The following UPF1 variants were observed in gnomAD, a reference collection of about 807,000 sequenced individuals.
The protein encoded by UPF1 is regulator of nonsense transcripts 1.
In UPF1, 9 loss-of-function variants were observed where a neutral mutation model predicts 129.2. That is an observed-to-expected ratio of 0.07 (90% CI 0.04 to 0.12). The LOEUF (loss-of-function observed/expected upper bound fraction) is 0.12. Among genes scored for constraint, UPF1 ranks in the 10% least tolerant of loss-of-function variants. UPF1 has a pLI of 1.00. For missense variants in UPF1, 788 were observed against 1,525.3 expected (o/e 0.52, Z 8.05); for synonymous variants, 649 against 644.9 (o/e 1.01, Z -0.10).
chr19:18,866,405 C>T (rs1456253918), intron 23 of UPF1, 116 bp from the exon 24 acceptor site: 1 of 518,098 alleles, frequency 1.9e-6, no homozygotes, highest in Non-Finnish European at 3.3e-6. Context: ...ACCTCAGTTT[C>T]CTCATCAGAG....
chr19:18,832,447 G>C lies in UPF1; in HGVS notation c.231+7G>C. ...GGGACAGCTCGACGCGCAGGTGAGC[G>C]GCACATGGCGGTGCCGGAAGCCCGG... On this transcript the variant is annotated splice_region_variant and intron_variant, in intron 1 of 23. Coordinates refer to ENST00000262803, the MANE Select transcript of UPF1 (RefSeq NM_002911.4). The surrounding 1 kb of genome is among the most constrained non-coding windows in gnomAD (Gnocchi z 5.6). 2.2e-5 allele frequency: 22 copies of C among 996,834 alleles called. No homozygotes were observed. The highest frequency in any genetic ancestry group is 2.5e-5 in the Non-Finnish European group (21 of 837,712). The allele number at this position is 996,834 out of a possible 1,614,324, so 61.7% of individuals were successfully genotyped here.
chr19:18,856,888 C>A lies in UPF1; in HGVS notation c.1836C>A (p.Val612=). 1 of 1,611,482 alleles carries A rather than the reference C, an allele frequency of 6.2e-7. No individual in the cohort carries two copies. Among genetic ancestry groups the A allele is most frequent in the South Asian group, 1.1e-5 (1 of 90,966 alleles). The change falls in exon 14 of 24, where the codon GTC becomes GTA. Residue 612 remains valine, a synonymous_variant. Coordinates refer to ENST00000262803, the MANE Select transcript of UPF1 (RefSeq NM_002911.4). The part of the protein sequence containing the change: ...AERELLMNAD[V]ICCTCVGAGD... ...GCACCCTTCCCCAGAACGCAGATGTCATCTGCTGCACATGTGTGGGCGCCG... is the reference window on the plus strand; with the variant it reads ...GCACCCTTCCCCAGAACGCAGATGTAATCTGCTGCACATGTGTGGGCGCCG...
rs181116448 is a variant in UPF1, at chr19:18,841,198, C to T, written c.232-4782C>T. On this transcript the variant is annotated intron_variant, in intron 1 of 23. Transcript: ENST00000262803. ...CAAGAGCTGGTGAGCCCTGTGCCTC[C>T]GTCTCCCTGATGAGACAGTTGTGAA... Among the ~76,000 whole-genome samples, 3 of 152,378 alleles carry T rather than the reference C, an allele frequency of 2.0e-5. No homozygotes were observed. In the East Asian group the frequency reaches 5.8e-4, roughly 29 times the overall value.
rs756666473 is a variant in UPF1 at position 18,852,193 on chromosome 19, A to G, written c.869A>G (p.Gln290Arg). 6.2e-7 allele frequency: 1 copy of G among 1,613,600 alleles called. No homozygotes were observed. Among genetic ancestry groups the G allele is most frequent in the South Asian group, 1.1e-5 (1 of 91,044 alleles). Residue 290 changes from glutamine (Q) to arginine (R), a missense_variant, in exon 6 of 24, where the codon CAG becomes CGG. Coordinates refer to ENST00000262803, the MANE Select transcript of UPF1 (RefSeq NM_002911.4). ...LEKPGVDEEP[Q>R]HVLLRYEDAY... ...AAGCCGGGGGTGGACGAGGAGCCGC[A>G]GCATGTCCTCCTGCGGTACGAGGAC...
At chr19:18,834,022 A>G (rs560880676) in intron 1 of UPF1, among the ~76,000 whole-genome samples, 3 of 152,212 alleles carry the variant, frequency 2.0e-5, no homozygotes, top group South Asian at 4.2e-4. Flanking sequence ...GGAGGGAGGG[A>G]GAGAGGAGAG....
intron 3 of UPF1, among the ~76,000 whole-genome samples, chr19:18,848,808 C>T (rs891189269): frequency 6.6e-6 from 1 of 152,300 alleles, no homozygotes; most frequent in African/African-American, 2.4e-5. Flanking sequence ...AACCAAAAGA[C>T]ATTCTTGTCC....
chr19:18,860,232 G>A (rs2055762979), intron 15 of UPF1, 89 bp from the exon 16 acceptor site: 1 of 1,364,552 alleles, frequency 7.3e-7, no homozygotes, highest in Non-Finnish European at 1.0e-6. Context: ...CTGCAGCACT[G>A]TAGCGTAGCA....
At chr19:18,861,677 A>T (rs1331839863) in intron 17 of UPF1, among the ~76,000 whole-genome samples, 4 of 152,156 alleles carry the variant, frequency 2.6e-5, no homozygotes, top group Non-Finnish European at 5.9e-5. Flanking sequence ...CACCAAAAAA[A>T]AATAATAACT....
At chr19:18,856,617 G>A (rs971411829) in intron 13 of UPF1, among the ~76,000 whole-genome samples, 1 of 152,192 alleles carries the variant, frequency 6.6e-6, no homozygotes, top group African/African-American at 2.4e-5. Flanking sequence ...GCTCAGCACT[G>A]CCCCTTGGAG....
At chr19:18,838,766 G>T (rs997221500) in intron 1 of UPF1, among the ~76,000 whole-genome samples, 5 of 152,174 alleles carry the variant, frequency 3.3e-5, no homozygotes, top group African/African-American at 1.2e-4. Context: ...AGGAGTGTTG[G>T]CAAGTGTTTG....
Position 18,867,087 on chromosome 19 carries a change from CT to C in UPF1, c.*574del, listed in dbSNP as rs2055858338. On this transcript the variant is annotated 3_prime_UTR_variant, in exon 24 of 24. Transcript: ENST00000262803. ...TTTTCTCTTTGTTTTTTTCAAGATT[CT>C]TTTAAAGGAGTACTGAAGAATACTT... is the stretch of plus-strand genomic sequence containing the variant. 6.6e-6 allele frequency: 1 copy of C among 152,570 alleles called. No individual in the cohort carries two copies. The highest frequency in any genetic ancestry group is 1.9e-4 in the East Asian group (1 of 5,196). The allele number at this position is 152,570 out of a possible 1,614,324, so 9.5% of individuals were successfully genotyped here.
At position 18,857,025 on chromosome 19, in the gene UPF1, G is replaced by A. The variant is rs1430177404; in HGVS notation, c.1968+5G>A. On this transcript the variant is annotated splice_donor_5th_base_variant and intron_variant, in intron 14 of 23. Coordinates refer to ENST00000262803, the MANE Select transcript of UPF1 (RefSeq NM_002911.4). ...GTGGTCCTCGGGGCCAAGCAGGTGG[G>A]CTGCCTCCCCTGCCCTCCTGTGTGA... 3 of 1,606,998 alleles carry A rather than the reference G, an allele frequency of 1.9e-6. No homozygotes were observed. Among genetic ancestry groups the A allele is most frequent in the South Asian group, 1.1e-5 (1 of 90,408 alleles).
intron 3 of UPF1, chr19:18,848,336 C>G (rs1160811694): frequency 6.2e-6 from 1 of 160,720 alleles, no homozygotes; most frequent in African/African-American, 2.4e-5. Flanking sequence ...TGGACTGTGT[C>G]GCTTGTTCTG....
chr19:18,842,839 A>G (rs551893424), intron 1 of UPF1, among the ~76,000 whole-genome samples: 26 of 152,022 alleles, frequency 1.7e-4, no homozygotes, highest in African/African-American at 5.8e-4. Context: ...GTCTCTACTA[A>G]AAATAGGCGT....
At position 18,865,216 on chromosome 19, in the gene UPF1, G is replaced by T. The variant is rs1402639776; in HGVS notation, c.2858-73G>T. ...ATGTGCAGCTCCGGCTGACTGGCTG[G>T]TGGGGTGGGTGGGGTATCGCTGGGG... On this transcript the variant is annotated intron_variant, in intron 20 of 23. Coordinates refer to ENST00000262803, the MANE Select transcript of UPF1 (RefSeq NM_002911.4). The surrounding 1 kb of genome is among the most constrained non-coding windows in gnomAD (Gnocchi z 6.1). 6.7e-7 allele frequency: 1 copy of T among 1,496,230 alleles called. No individual in the cohort carries two copies. The highest frequency in any genetic ancestry group is 1.3e-5 in the South Asian group (1 of 76,948). 92.7% of individuals were successfully genotyped at this position (1,496,230 alleles called of 1,614,324 possible). A position where few individuals can be genotyped will look rare whatever the true frequency, so the allele number is the denominator to read the frequency against.
rs550922321 is a variant in UPF1, at chr19:18,861,904, A to G, written c.2458-106A>G. 13 of 1,461,916 alleles carry G rather than the reference A, an allele frequency of 8.9e-6. No individual in the cohort carries two copies. In the African/African-American group the frequency reaches 1.8e-4, roughly 21 times the overall value. 90.6% of individuals were successfully genotyped at this position (1,461,916 alleles called of 1,614,324 possible). A position where few individuals can be genotyped will look rare whatever the true frequency, so the allele number is the denominator to read the frequency against. On this transcript the variant is annotated intron_variant, in intron 17 of 23. Transcript: ENST00000262803. ...TGCGGTGAGCAGGCGCCAGGCCCCA[A>G]GCTCCCGGGTGGGATTTGAGGGTGG...
intron 1 of UPF1, among the ~76,000 whole-genome samples, chr19:18,842,699 TAAAA>T (rs200842425): frequency 4.0e-5 from 6 of 151,564 alleles, no homozygotes; most frequent in Admixed American, 2.6e-4. Flanking sequence ...TTTTTTTAAT[TAAAA>T]AAAATTTGGG....
At chr19:18,840,081 G>C (rs911991332) in intron 1 of UPF1, among the ~76,000 whole-genome samples, 4 of 152,190 alleles carry the variant, frequency 2.6e-5, no homozygotes, top group African/African-American at 9.7e-5. Context: ...AAGGCTGGGA[G>C]GAGGGCTCTG....
chr19:18,857,475 C>A lies in UPF1; in HGVS notation c.2124C>A (p.Leu708=). Residue 708 remains leucine (L), a synonymous_variant, in exon 15 of 24, where the codon CTC becomes CTA. Transcript: ENST00000262803. ...TCCAGTACCGGATGCACCCTGCACT[C>A]AGCGCCTTCCCATCCAACATCTTCT... ...LQVQYRMHPA[L]SAFPSNIFYE... is the part of the protein sequence containing the mutation. 1.2e-6 allele frequency: 2 copies of A among 1,613,962 alleles called. No individual in the cohort carries two copies. The highest frequency in any genetic ancestry group is 1.7e-6 in the Non-Finnish European group (2 of 1,180,012).
Sources: gnomAD v4.1 joint callset for allele counts (sites outside exome capture counted in the v4.1 genomes callset) on GRCh38, gnomAD v4.1.1 for gene constraint, Gnocchi (gnomAD v3.1) non-coding constraint, MANE v1.5 for transcripts, NCBI Gene and HGNC (gene_info 2026-07-23, HGNC 2026-07-21) for gene names.